RGS7: variants seen among roughly 807,000 people sequenced by gnomAD.
The protein encoded by RGS7 is regulator of G-protein signaling 7.
Under a neutral mutation model 81.1 loss-of-function variants are expected in RGS7, and 27 were observed. The observed-to-expected ratio is 0.33, with a 90% CI of 0.25 to 0.46. RGS7 has a LOEUF of 0.46. RGS7 is among the 20% of genes least tolerant of loss of function. The pLI, the probability that RGS7 is intolerant of heterozygous loss-of-function variation, is 1.00. For synonymous variants in RGS7, 208 were observed against 207.7 expected (o/e 1.00, Z -0.01); for missense variants, 396 against 607.4 (o/e 0.65, Z 3.66).
rs75645375 is a variant in RGS7, at chr1:241,271,041, T to C, written c.78+84658A>G. ...CAAAGTGCTGGGATTCCAGGTCCCA[T>C]CCCTTTTAATTTCTGCACGGGCCCT... On this transcript the variant is annotated intron_variant, in intron 2 of 18. Transcript: ENST00000440928. This position sits in a 1 kb window ranked among gnomAD's most constrained non-coding sequence, Gnocchi z 4.6. 6.6e-6 allele frequency among the ~76,000 whole-genome samples: 1 copy of C among 152,124 alleles called. No homozygotes were observed. Among genetic ancestry groups the C allele is most frequent in the Non-Finnish European group, 1.5e-5 (1 of 68,026 alleles).
At chr1:241,205,845 G>A (rs952176723) in intron 2 of RGS7, among the ~76,000 whole-genome samples, 4 of 152,134 alleles carry the variant, frequency 2.6e-5, no homozygotes, top group African/African-American at 9.7e-5. Context: ...GGTAATGAGA[G>A]AGAACAAAGG....
At chr1:241,186,746 C>T (rs2072154652) in intron 2 of RGS7, among the ~76,000 whole-genome samples, 2 of 151,880 alleles carry the variant, frequency 1.3e-5, no homozygotes, top group South Asian at 2.1e-4. Flanking sequence ...AGGCTGGTCT[C>T]GAACTCCCAA....
intron 3 of RGS7, among the ~76,000 whole-genome samples, chr1:240,985,775 G>A (rs947475660): frequency 6.6e-6 from 1 of 151,906 alleles, no homozygotes; most frequent in African/African-American, 2.4e-5. Flanking sequence ...GAAGAGATAG[G>A]TAGAGAGAGA....
chr1:240,817,027 C>T (rs577135965), intron 10 of RGS7, among the ~76,000 whole-genome samples: 2 of 152,244 alleles, frequency 1.3e-5, no homozygotes, highest in South Asian at 4.2e-4. Flanking sequence ...CATGCATCTT[C>T]GGAATTCTCA....
intron 2 of RGS7, among the ~76,000 whole-genome samples, chr1:241,120,304 C>T (rs905756643): frequency 6.6e-6 from 1 of 152,142 alleles, no homozygotes; most frequent in Admixed American, 6.5e-5. Context: ...CTACATACCA[C>T]TATCATCATA....
chr1:241,308,382 A>G (rs1027453445), intron 2 of RGS7, among the ~76,000 whole-genome samples: 2 of 152,190 alleles, frequency 1.3e-5, no homozygotes, highest in African/African-American at 4.8e-5. Flanking sequence ...TTAAGTTGTC[A>G]ATTGTTAGGA....
rs75083243 is a variant in RGS7 at position 241,327,080 on chromosome 1, GAGAAAGAAAGAAAGAAAGAAAGAAAGAA to G, written c.78+28591_78+28618del. On this transcript the variant is annotated intron_variant, in intron 2 of 18. Coordinates refer to ENST00000440928, the MANE Select transcript of RGS7 (RefSeq NM_001364886.1). ...AAGGAAGAAGGAAGGAAGGAAGGAA[GAGAAAGAAAGAAAGAAAGAAAGAAAGAA>G]AGAAAGAAAGAAAGAAAGAAAGAAA... Among the ~76,000 whole-genome samples, 30 of 49,396 alleles carry G rather than the reference GAGAAAGAAAGAAAGAAAGAAAGAAAGAA, an allele frequency of 6.1e-4. 1 individual carries two copies. The highest frequency in any genetic ancestry group is 2.2e-3 in the African/African-American group (26 of 11,772). The allele number at this position is 49,396 out of a possible 152,430, so 32.4% of individuals were successfully genotyped here.
intron 4 of RGS7, among the ~76,000 whole-genome samples, chr1:240,938,501 C>T (rs986343658): frequency 7.9e-5 from 12 of 152,074 alleles, no homozygotes; most frequent in African/African-American, 2.9e-4. Context: ...ATAAGAATCC[C>T]ATCCTTTTAC....
intron 3 of RGS7, among the ~76,000 whole-genome samples, chr1:241,055,463 C>G (rs1170615477): frequency 6.6e-6 from 1 of 152,178 alleles, no homozygotes; most frequent in African/African-American, 2.4e-5. Flanking sequence ...TACAGATGAA[C>G]AGCCTGAGGT....
chr1:241,020,406 T>C (rs2059480495), intron 3 of RGS7, among the ~76,000 whole-genome samples: 1 of 152,200 alleles, frequency 6.6e-6, no homozygotes, highest in Non-Finnish European at 1.5e-5. Context: ...TTCCAGCTTC[T>C]AGTGGCTGCA....
At chr1:240,853,172 T>C (rs1660416959) in intron 9 of RGS7, among the ~76,000 whole-genome samples, 1 of 152,140 alleles carries the variant, frequency 6.6e-6, no homozygotes, top group Admixed American at 6.6e-5. Context: ...AAAAAATAAG[T>C]ATAGTATTTC....
intron 9 of RGS7, among the ~76,000 whole-genome samples, chr1:240,851,339 C>T (rs542544184): frequency 3.9e-5 from 6 of 152,290 alleles, no homozygotes; most frequent in African/African-American, 1.4e-4. Context: ...CTGTTTACAT[C>T]GTCATTTACT....
At chr1:241,044,627 T>A (rs1420185120) in intron 3 of RGS7, among the ~76,000 whole-genome samples, 1 of 152,102 alleles carries the variant, frequency 6.6e-6, no homozygotes, top group Non-Finnish European at 1.5e-5. Flanking sequence ...AGATAGAGTC[T>A]CGCTATATTG....
At chr1:241,106,505 G>T (rs2065107763) in intron 2 of RGS7, among the ~76,000 whole-genome samples, 1 of 151,964 alleles carries the variant, frequency 6.6e-6, no homozygotes, top group African/African-American at 2.4e-5. Flanking sequence ...CCTGAGGTCC[G>T]GAGTTTGAGA....
chr1:241,327,581 C>A (rs1267857999), intron 2 of RGS7, among the ~76,000 whole-genome samples: 1 of 152,104 alleles, frequency 6.6e-6, no homozygotes, highest in Non-Finnish European at 1.5e-5. Context: ...TAGATCCCCA[C>A]AATACATCTG....
At chr1:241,324,126 A>G (rs1266363403) in intron 2 of RGS7, among the ~76,000 whole-genome samples, 1 of 152,228 alleles carries the variant, frequency 6.6e-6, no homozygotes, top group Non-Finnish European at 1.5e-5. Flanking sequence ...CAGGAGCATG[A>G]TGGTGACAAC....
chr1:241,289,465 T>G (rs1284102299), intron 2 of RGS7, among the ~76,000 whole-genome samples: 1 of 152,188 alleles, frequency 6.6e-6, no homozygotes, highest in African/African-American at 2.4e-5. Context: ...TCACCACATT[T>G]TATAGTAACA....
intron 9 of RGS7, among the ~76,000 whole-genome samples, chr1:240,840,520 A>C (rs1657742431): frequency 6.6e-6 from 1 of 151,908 alleles, no homozygotes; most frequent in African/African-American, 2.4e-5. Context: ...TCATCCACCC[A>C]CCTTGGCTGC....
intron 2 of RGS7, among the ~76,000 whole-genome samples, chr1:241,253,423 A>G (rs2076922883): frequency 6.6e-6 from 1 of 152,176 alleles, no homozygotes. Context: ...CCAGGTGGCC[A>G]TAGATCTCTG....
Sources: allele counts gnomAD v4.1 joint callset (sites outside exome capture counted in the v4.1 genomes callset), GRCh38; gene constraint gnomAD v4.1.1; non-coding constraint Gnocchi (gnomAD v3.1); transcripts MANE v1.5; gene names NCBI Gene and HGNC (gene_info 2026-07-23, HGNC 2026-07-21).